CUBN: variants seen among roughly 807,000 people sequenced by gnomAD.
CUBN encodes 460 kDa receptor.
Under a neutral mutation model 405.3 loss-of-function variants are expected in CUBN, and 282 were observed. The ratio of observed to expected loss-of-function variants is 0.70; its 90% CI spans 0.63 to 0.77. The LOEUF is 0.77. CUBN is among the 30% of genes least tolerant of loss of function. The probability of loss-of-function intolerance (pLI) is 0.00; values close to 1 mark genes in which losing one functional copy is unlikely to be tolerated. For synonymous variants in CUBN, 1,684 were observed against 1,617.0 expected (o/e 1.04, Z -0.99); for missense variants, 4,514 against 4,475.2 (o/e 1.01, Z -0.25).
chr10:17,111,169 A>T, intron 8 of CUBN, 119 bp from the exon 9 acceptor site: 2 of 1,191,386 alleles, frequency 1.7e-6, no homozygotes, highest in Non-Finnish European at 2.4e-6. Context: ...TAAAAATGAG[A>T]TATGCTTATC....
chr10:16,986,966 C>A (rs1043904524), intron 29 of CUBN, among the ~76,000 whole-genome samples: 18 of 152,164 alleles, frequency 1.2e-4, no homozygotes, highest in Non-Finnish European at 2.5e-4. Context: ...TGGCTGGACC[C>A]AGAAGCCTCT....
intron 30 of CUBN, 112 bp downstream of exon 30, chr10:16,983,993 G>T: frequency 2.5e-6 from 3 of 1,188,850 alleles, no homozygotes; most frequent in Non-Finnish European, 3.8e-6. Flanking sequence ...GCTGCCCTTT[G>T]GGATGTCACT....
Position 16,843,748 on chromosome 10 carries a change from A to G in CUBN, c.9664-2701T>C, listed in dbSNP as rs543295481. On this transcript the variant is annotated intron_variant, in intron 60 of 66. Transcript: ENST00000377833. ...AAAGCCCTTTCCAGATCTTCAAGAC[A>G]TAAGACCCCTTCATGAACAAAGGAG... 1.2e-4 allele frequency among the ~76,000 whole-genome samples: 18 copies of G among 152,374 alleles called. No individual in the cohort carries two copies. In the East Asian group the frequency reaches 2.9e-3, roughly 24 times the overall value.
intron 56 of CUBN, among the ~76,000 whole-genome samples, chr10:16,882,631 A>G (rs564959367): frequency 1.3e-5 from 2 of 152,352 alleles, no homozygotes; most frequent in Admixed American, 1.3e-4. Context: ...GTGGGCCGAG[A>G]CACCAAAGAG....
intron 56 of CUBN, among the ~76,000 whole-genome samples, chr10:16,881,471 G>A (rs1233546193): frequency 6.6e-6 from 1 of 152,220 alleles, no homozygotes; most frequent in Non-Finnish European, 1.5e-5. Context: ...TTAAATGTCT[G>A]TATTGAACAA....
chr10:16,958,401 C>T (rs977962806), intron 31 of CUBN, among the ~76,000 whole-genome samples: 2 of 152,290 alleles, frequency 1.3e-5, no homozygotes, highest in East Asian at 1.9e-4. Context: ...TGGTGGGCAC[C>T]TGTAATCCCA....
intron 60 of CUBN, among the ~76,000 whole-genome samples, chr10:16,850,459 A>C (rs1839652605): frequency 1.3e-5 from 2 of 152,088 alleles, no homozygotes; most frequent in African/African-American, 4.8e-5. Flanking sequence ...TTCTTGATTT[A>C]CTTTTTTATT....
chr10:16,840,751 ATTGAG>A lies in CUBN; in HGVS notation c.9826+129_9826+133del. 4.5e-6 allele frequency: 4 copies of A among 886,382 alleles called. No individual in the cohort carries two copies. The South Asian group carries it at 5.6e-5, about 13-fold the overall frequency. 54.9% of individuals were successfully genotyped at this position (886,382 alleles called of 1,614,324 possible). On this transcript the variant is annotated intron_variant, in intron 61 of 66. Coordinates refer to ENST00000377833, the MANE Select transcript of CUBN (RefSeq NM_001081.4). ...ATTAACATGGTGTTTAGCAATTGAC[ATTGAG>A]TTTAGATAGTAATTGACATTGAGTT...
At chr10:16,871,034 CT>C (rs397968194) in intron 58 of CUBN, among the ~76,000 whole-genome samples, 90 of 145,286 alleles carry the variant, frequency 6.2e-4, no homozygotes, top group Admixed American at 6.9e-4. Context: ...TCTGCTTTTT[CT>C]TTTTTTTTTT....
At chr10:16,876,804 C>T in intron 57 of CUBN, 93 bp downstream of exon 57, 1 of 1,074,434 alleles carries the variant, frequency 9.3e-7, no homozygotes, top group Non-Finnish European at 1.4e-6. Flanking sequence ...TCTGAATCTT[C>T]AAGTTAGTGC....
intron 53 of CUBN, among the ~76,000 whole-genome samples, chr10:16,900,273 A>T (rs1841317496): frequency 6.6e-6 from 1 of 152,174 alleles, no homozygotes; most frequent in African/African-American, 2.4e-5. Context: ...TCATGTTTCT[A>T]TTACTTGAGA....
intron 66 of CUBN, among the ~76,000 whole-genome samples, chr10:16,827,460 A>G (rs989704168): frequency 6.6e-6 from 1 of 151,392 alleles, no homozygotes; most frequent in African/African-American, 2.5e-5. Flanking sequence ...TCAATTTTAT[A>G]AATAGTAAGT....
At chr10:17,073,877 T>C (rs1835794327) in intron 17 of CUBN, among the ~76,000 whole-genome samples, 1 of 152,200 alleles carries the variant, frequency 6.6e-6, no homozygotes, top group South Asian at 2.1e-4. Context: ...GCTCATGGGA[T>C]TGTTGAAGCA....
chr10:16,848,574 G>C (rs150907230), intron 60 of CUBN, among the ~76,000 whole-genome samples: 2 of 151,536 alleles, frequency 1.3e-5, no homozygotes, highest in African/African-American at 4.8e-5. Context: ...AATTGGGTTA[G>C]AGTCCCCATA....
chr10:16,908,257 T>A (rs1292337922), intron 48 of CUBN, among the ~76,000 whole-genome samples: 1 of 152,126 alleles, frequency 6.6e-6, no homozygotes. Context: ...GCAGTTCTCC[T>A]GCCTCAGCCT....
intron 34 of CUBN, 48 bp downstream of exon 34, chr10:16,949,953 T>C: frequency 1.4e-6 from 2 of 1,388,932 alleles, no homozygotes; most frequent in Non-Finnish European, 1.0e-6. Flanking sequence ...GATCTATAAA[T>C]AAAGCACAGC....
At chr10:16,830,527 A>G (rs1564374071) in intron 65 of CUBN, among the ~76,000 whole-genome samples, 1 of 152,202 alleles carries the variant, frequency 6.6e-6, no homozygotes, top group Non-Finnish European at 1.5e-5. Flanking sequence ...ACCCTAAAAA[A>G]AGCAATTTCT....
Position 16,947,251 on chromosome 10 carries a change from G to A in CUBN, c.5326C>T (p.Leu1776Phe). The A allele has an allele frequency of 6.2e-7, 1 of 1,614,104 alleles. No homozygotes were observed. The highest frequency in any genetic ancestry group is 8.5e-7 in the Non-Finnish European group (1 of 1,179,984). ...WNIVSSPGNR[L>F]QLSFISFQLE... Reference sequence around the variant, plus strand: ...AGGATTTACATAAAAGACAGCTGGAGCCGGTTGCCAGGGGAACTGACGATG... The same window carrying A: ...AGGATTTACATAAAAGACAGCTGGAACCGGTTGCCAGGGGAACTGACGATG... The change falls in exon 36 of 67, where the codon CTC becomes TTC. Residue 1776 changes from leucine to phenylalanine, a missense_variant. By Grantham distance (22) the Leu-to-Phe change is conservative. This residue lies in a region of CUBN where 1,613 missense variants were observed against 1,542.8 expected (regional missense o/e 1.05). Coordinates refer to ENST00000377833, the MANE Select transcript of CUBN (RefSeq NM_001081.4).
At chr10:17,043,142 A>G (rs191922799) in intron 26 of CUBN, among the ~76,000 whole-genome samples, 22 of 152,356 alleles carry the variant, frequency 1.4e-4, no homozygotes, top group Admixed American at 1.4e-3. Context: ...TTCTAAAAGA[A>G]GAAACCATGG....
Sources: allele counts gnomAD v4.1 joint callset (sites outside exome capture counted in the v4.1 genomes callset), GRCh38; gene constraint gnomAD v4.1.1; regional missense constraint gnomAD v4.1.1; transcripts MANE v1.5; gene names NCBI Gene and HGNC (gene_info 2026-07-23, HGNC 2026-07-21).